The following OARD1 variants were observed in gnomAD, a reference collection of about 807,000 sequenced individuals.
OARD1 encodes ADP-ribose glycohydrolase OARD1.
Under a neutral mutation model 19.7 loss-of-function variants are expected in OARD1, and 19 were observed. That is an observed-to-expected ratio of 0.96 (90% CI 0.67 to 1.41). The LOEUF (loss-of-function observed/expected upper bound fraction) is 1.41, where lower values mean the gene tolerates loss of function less well. Among genes scored for constraint, OARD1 ranks in the 40% most tolerant of loss-of-function variants. The pLI, the probability that OARD1 is intolerant of heterozygous loss-of-function variation, is 0.00. For synonymous variants in OARD1, 70 were observed against 61.8 expected (o/e 1.13, Z -0.62); for missense variants, 190 against 183.8 (o/e 1.03, Z -0.20).
At chr6:41,078,599 G>A (rs1561850250) in intron 1 of OARD1, among the ~76,000 whole-genome samples, 2 of 152,134 alleles carry the variant, frequency 1.3e-5, no homozygotes. Context: ...TCTATGAGAA[G>A]GGTAAATTTT....
intron 1 of OARD1, chr6:41,097,490 T>C: frequency 3.5e-6 from 5 of 1,432,796 alleles, no homozygotes; most frequent in Non-Finnish European, 4.9e-6. Flanking sequence ...CAATGGGACA[T>C]TGATGATCAC....
chr6:41,096,910 G>C lies in OARD1; in HGVS notation c.-42+803C>G, dbSNP rs539835254. ...GCCTTCAGATTTATCTGTAAAACGAGTACATTAAAGTGTATAGATTCTAAT... is the reference window on the plus strand; with the variant it reads ...GCCTTCAGATTTATCTGTAAAACGACTACATTAAAGTGTATAGATTCTAAT... On this transcript the variant is annotated intron_variant, in intron 1 of 4. Coordinates refer to the OARD1 transcript ENST00000480585. 1.8e-4 allele frequency among the ~76,000 whole-genome samples: 28 copies of C among 152,302 alleles called. No individual in the cohort carries two copies. In the Middle Eastern group the frequency reaches 0.01, roughly 56 times the overall value.
rs1762964733 is a variant in OARD1 at position 41,065,380 on chromosome 6, C to T, written c.*1955G>A. 1 of 152,230 alleles carries T rather than the reference C, an allele frequency of 6.6e-6. No individual in the cohort carries two copies. The highest frequency in any genetic ancestry group is 1.5e-5 in the Non-Finnish European group (1 of 68,046). The allele number at this position is 152,230 out of a possible 1,614,324, so 9.4% of individuals were successfully genotyped here. A position where few individuals can be genotyped will look rare whatever the true frequency, so the allele number is the denominator to read the frequency against. On this transcript the variant is annotated 3_prime_UTR_variant, in exon 6 of 6. Transcript: ENST00000424266. ...AGCCATACACATTCAGTACACCCTT[C>T]AACTGAACTCAACTTAAGATGGGGT...
At chr6:41,068,486 C>G (rs534631022) in intron 5 of OARD1, among the ~76,000 whole-genome samples, 3 of 152,358 alleles carry the variant, frequency 2.0e-5, no homozygotes, top group Non-Finnish European at 4.4e-5. Context: ...ACCACCATTG[C>G]TCAGTCTTGA....
rs1243770475 is a variant in OARD1 at position 41,069,037 on chromosome 6, TAA to T, written c.244-86_244-85del. On this transcript the variant is annotated intron_variant, in intron 4 of 5. Coordinates refer to ENST00000424266, the MANE Select transcript of OARD1 (RefSeq NM_001329686.2). ...CACATTCCCCCAACATCCCAATAAT[TAA>T]AAGAGTAAGCACATTTTTATAGAAT... 8 of 667,798 alleles carry T rather than the reference TAA, an allele frequency of 1.2e-5. 1 individual carries two copies. The highest frequency in any genetic ancestry group is 1.0e-4 in the South Asian group (5 of 49,010). 41.4% of individuals were successfully genotyped at this position (667,798 alleles called of 1,614,324 possible). A position where few individuals can be genotyped will look rare whatever the true frequency, so the allele number is the denominator to read the frequency against.
chr6:41,071,865 G>A (rs1445410961), intron 1 of OARD1, 190 bp from the exon 2 acceptor site: 4 of 516,272 alleles, frequency 7.7e-6, no homozygotes, highest in Non-Finnish European at 1.4e-5. Flanking sequence ...TTCGGAGGCT[G>A]TCTCGACCCG....
At chr6:41,068,343 C>T (rs1418152184) in intron 5 of OARD1, among the ~76,000 whole-genome samples, 1 of 152,182 alleles carries the variant, frequency 6.6e-6, no homozygotes, top group Non-Finnish European at 1.5e-5. Context: ...TAAGAAGTTA[C>T]ATCAGGGACA....
chr6:41,076,832 A>G (rs576837775), upstream of OARD1, among the ~76,000 whole-genome samples: 3 of 152,360 alleles, frequency 2.0e-5, no homozygotes, highest in African/African-American at 4.8e-5. Context: ...TCACAGTAGT[A>G]GGAACATATG....
chr6:41,089,662 G>A, intron 1 of OARD1: 1 of 1,612,594 alleles, frequency 6.2e-7, no homozygotes, highest in Non-Finnish European at 8.5e-7. Flanking sequence ...AGACCCAGCA[G>A]ATCATCATCC....
chr6:41,097,437 A>G (rs1561857764), intron 1 of OARD1: 4 of 1,611,334 alleles, frequency 2.5e-6, no homozygotes, highest in Non-Finnish European at 3.4e-6. Flanking sequence ...GGAGCTGATC[A>G]AGGTCATGTT....
intron 4 of OARD1, chr6:41,069,865 T>C: frequency 1.6e-6 from 1 of 625,840 alleles, no homozygotes; most frequent in Non-Finnish European, 2.9e-6. Context: ...AGAGCTGGGA[T>C]GCAGCCTCAC....
chr6:41,097,169 G>A (rs1422987955), intron 1 of OARD1, among the ~76,000 whole-genome samples: 2 of 152,142 alleles, frequency 1.3e-5, no homozygotes, highest in Non-Finnish European at 2.9e-5. Flanking sequence ...TTAAGAATAA[G>A]GTTTATTGTC....
In OARD1 at chr6:41,066,129, A is replaced by AT. The variant is rs893223367; in HGVS notation, c.*1205dup. On this transcript the variant is annotated 3_prime_UTR_variant, in exon 6 of 6. Transcript: ENST00000424266. Reference sequence around the variant, plus strand: ...AGTGGCCATCCCACTCCACCACCAAATTTTTTTTTTTAATTGAGATAGGGT... The same window carrying AT: ...AGTGGCCATCCCACTCCACCACCAAATTTTTTTTTTTTAATTGAGATAGGGT... The AT allele has an allele frequency of 2.1e-4, 32 of 148,960 alleles. No individual in the cohort carries two copies. The highest frequency in any genetic ancestry group is 4.7e-4 in the African/African-American group (19 of 40,776). The allele number at this position is 148,960 out of a possible 1,614,324, so 9.2% of individuals were successfully genotyped here.
intron 1 of OARD1, among the ~76,000 whole-genome samples, chr6:41,087,645 G>A (rs764052406): frequency 1.3e-5 from 2 of 152,052 alleles, no homozygotes; most frequent in Non-Finnish European, 2.9e-5. Context: ...AAGTTTGGGA[G>A]GTATTCTTGA....
Position 41,093,944 on chromosome 6 carries a change from G to A in OARD1, c.-42+3769C>T, listed in dbSNP as rs562212205. On this transcript the variant is annotated intron_variant, in intron 1 of 4. Coordinates refer to the OARD1 transcript ENST00000480585. ...CAGAGGCAGGAGGATCACATGAGCC[G>A]AGGAATTCAAGGCTGCAGTGATTCA... 2.0e-3 allele frequency among the ~76,000 whole-genome samples: 306 copies of A among 152,284 alleles called. 1 individual carries two copies. The highest frequency in any genetic ancestry group is 2.6e-3 in the African/African-American group (109 of 41,570).
At chr6:41,079,252 A>C in intron 1 of OARD1, 1 of 1,219,174 alleles carries the variant, frequency 8.2e-7, no homozygotes, top group Non-Finnish European at 1.2e-6. Flanking sequence ...CTGGGGAATT[A>C]TTTGAAAGAT....
At chr6:41,074,671 A>G (rs1288252097), upstream of OARD1, among the ~76,000 whole-genome samples, 1 of 152,242 alleles carries the variant, frequency 6.6e-6, no homozygotes, top group African/African-American at 2.4e-5. Context: ...TTAGGGGGGA[A>G]AGCCCAGTTG....
intron 4 of OARD1, 47 bp downstream of exon 4, chr6:41,070,029 G>T: frequency 9.5e-7 from 1 of 1,048,602 alleles, no homozygotes; most frequent in Non-Finnish European, 1.5e-6. Context: ...TCCTTAAAAT[G>T]TATTAAGAAC....
intron 4 of OARD1, chr6:41,069,670 A>T: frequency 4.2e-6 from 1 of 239,110 alleles, no homozygotes; most frequent in Middle Eastern, 1.5e-3. Context: ...TTTTGTTTTT[A>T]TTCACCCCCT....
Sources: gnomAD v4.1 joint callset for allele counts (sites outside exome capture counted in the v4.1 genomes callset) on GRCh38, gnomAD v4.1.1 for gene constraint, MANE v1.5 for transcripts, NCBI Gene and HGNC (gene_info 2026-07-23, HGNC 2026-07-21) for gene names.